RBFOX1: variants seen among roughly 807,000 people sequenced by gnomAD.
RBFOX1 encodes RNA binding protein fox-1 homolog 1.
A neutral mutation model predicts 57.7 loss-of-function variants in RBFOX1; 8 were observed. That is an observed-to-expected ratio of 0.14 (90% CI 0.08 to 0.25). The LOEUF (loss-of-function observed/expected upper bound fraction) is 0.25, where lower values mean the gene tolerates loss of function less well. Among genes scored for constraint, RBFOX1 ranks in the 10% least tolerant of loss-of-function variants. The pLI is 1.00. For synonymous variants in RBFOX1, 326 were observed against 222.4 expected (o/e 1.47, Z -4.15); for missense variants, 611 against 548.5 (o/e 1.11, Z -1.14).
At chr16:6,878,753 T>A (rs1465020710) in intron 3 of RBFOX1, among the ~76,000 whole-genome samples, 2 of 152,140 alleles carry the variant, frequency 1.3e-5, no homozygotes, top group Admixed American at 6.5e-5. Flanking sequence ...CATGAGAGTT[T>A]AAGGACCCTG....
chr16:7,709,396 T>C (rs2083525591), intron 15 of RBFOX1: 1 of 1,258,452 alleles, frequency 7.9e-7, no homozygotes, highest in Non-Finnish European at 1.1e-6. Context: ...GAATAATTAG[T>C]CATTTTGATA....
In RBFOX1 at chr16:6,019,453, C is replaced by G; in HGVS notation, c.-666C>G. The stretch of plus-strand genomic sequence containing the variant: ...CAGGGGCCGCGTCGGGTGGGGAAAC[C>G]CGAACTCGCGGAGGGGAATCCCTCC... On this transcript the variant is annotated 5_prime_UTR_variant, in exon 1 of 16. Transcript: ENST00000550418. The surrounding 1 kb of genome is among the most constrained non-coding windows in gnomAD (Gnocchi z 4.2). The G allele has an allele frequency of 1.0e-6, 1 of 991,622 alleles. No individual in the cohort carries two copies. Among genetic ancestry groups the G allele is most frequent in the Non-Finnish European group, 1.2e-6 (1 of 834,368 alleles). 61.4% of individuals were successfully genotyped at this position (991,622 alleles called of 1,614,324 possible).
In RBFOX1 at chr16:6,087,678, G is replaced by A. The variant is rs923057403; in HGVS notation, c.-127+67686G>A. ...CTTACTTTTTTTTTTTTTTTGAGAT[G>A]GAGTCTTGCTCTTTCACCAGGCTGG... On this transcript the variant is annotated intron_variant, in intron 1 of 15. Transcript: ENST00000550418. 5.5e-5 allele frequency among the ~76,000 whole-genome samples: 8 copies of A among 144,282 alleles called. No individual in the cohort carries two copies. In the South Asian group the frequency reaches 1.3e-3, roughly 24 times the overall value. The allele number at this position is 144,282 out of a possible 152,430, so 94.7% of individuals were successfully genotyped here. A position where few individuals can be genotyped will look rare whatever the true frequency, so the allele number is the denominator to read the frequency against.
intron 4 of RBFOX1, among the ~76,000 whole-genome samples, chr16:7,133,296 C>T (rs2071026691): frequency 6.6e-6 from 1 of 152,108 alleles, no homozygotes; most frequent in African/African-American, 2.4e-5. Context: ...ATGGAGAGTA[C>T]ACTTGAAAAG....
At chr16:6,428,534 T>A (rs980769675) in intron 2 of RBFOX1, among the ~76,000 whole-genome samples, 10 of 152,140 alleles carry the variant, frequency 6.6e-5, no homozygotes, top group Non-Finnish European at 7.4e-5. Flanking sequence ...GATTTTCTCA[T>A]CTGTAAAATG....
intron 2 of RBFOX1, among the ~76,000 whole-genome samples, chr16:6,467,411 A>C (rs909125132): frequency 1.3e-5 from 2 of 152,116 alleles, no homozygotes; most frequent in Admixed American, 1.3e-4. Context: ...ATAATTATTT[A>C]TGTTACTGTT....
chr16:5,380,711 C>T (rs969621903), intron 1 of RBFOX1, among the ~76,000 whole-genome samples: 10 of 152,152 alleles, frequency 6.6e-5, no homozygotes, highest in African/African-American at 2.2e-4. Flanking sequence ...AGTAAGTTGT[C>T]CAAAGACACA....
chr16:6,645,450 G>T (rs79824979), intron 2 of RBFOX1, among the ~76,000 whole-genome samples: 11 of 152,030 alleles, frequency 7.2e-5, no homozygotes, highest in African/African-American at 2.4e-4. Flanking sequence ...TTCAGAGCTG[G>T]GAATGCTGCT....
intron 3 of RBFOX1, among the ~76,000 whole-genome samples, chr16:6,753,122 G>A (rs1360849335): frequency 3.3e-5 from 5 of 152,126 alleles, no homozygotes; most frequent in Non-Finnish European, 7.3e-5. Flanking sequence ...CATGTATACT[G>A]AAACTTGTAG....
chr16:7,354,936 C>T (rs2097188931), intron 4 of RBFOX1, among the ~76,000 whole-genome samples: 1 of 152,166 alleles, frequency 6.6e-6, no homozygotes. Context: ...CTTTGCTCTG[C>T]TTTCCCTCAT....
intron 2 of RBFOX1, among the ~76,000 whole-genome samples, chr16:6,331,866 G>C (rs1255494991): frequency 6.6e-6 from 1 of 151,926 alleles, no homozygotes; most frequent in Non-Finnish European, 1.5e-5. Context: ...GGTCTTGCTG[G>C]TTCCTGAGTT....
At chr16:6,812,481 C>A (rs776941086) in intron 3 of RBFOX1, among the ~76,000 whole-genome samples, 1 of 152,088 alleles carries the variant, frequency 6.6e-6, no homozygotes, top group Non-Finnish European at 1.5e-5. Flanking sequence ...TCAAGTGATT[C>A]TCTTGCCATA....
intron 12 of RBFOX1, among the ~76,000 whole-genome samples, chr16:7,658,089 A>G (rs1416462879): frequency 6.6e-6 from 1 of 152,170 alleles, no homozygotes; most frequent in South Asian, 2.1e-4. Flanking sequence ...AATCCATGTA[A>G]GGTGACAACT....
At chr16:6,764,643 A>G (rs2154201377) in intron 3 of RBFOX1, among the ~76,000 whole-genome samples, 1 of 152,328 alleles carries the variant, frequency 6.6e-6, no homozygotes, top group East Asian at 1.9e-4. Flanking sequence ...AATTATTAAG[A>G]GTAAATGCAT....
chr16:7,499,273 C>T (rs377085861), intron 4 of RBFOX1, among the ~76,000 whole-genome samples: 4 of 152,166 alleles, frequency 2.6e-5, no homozygotes, highest in African/African-American at 4.8e-5. Flanking sequence ...AGAAGCATCA[C>T]CCATTCATCT....
chr16:7,402,836 G>T (rs962995615), intron 4 of RBFOX1, among the ~76,000 whole-genome samples: 1 of 152,234 alleles, frequency 6.6e-6, no homozygotes, highest in Non-Finnish European at 1.5e-5. Context: ...ATTTATCTGA[G>T]GGCACCTGTA....
intron 4 of RBFOX1, among the ~76,000 whole-genome samples, chr16:7,157,865 T>G (rs1001879375): frequency 6.6e-6 from 1 of 152,206 alleles, no homozygotes; most frequent in African/African-American, 2.4e-5. Context: ...AGGACAAATA[T>G]ATTTCAGCTT....
At chr16:7,521,288 A>G (rs2077463985) in intron 5 of RBFOX1, among the ~76,000 whole-genome samples, 1 of 152,190 alleles carries the variant, frequency 6.6e-6, no homozygotes, top group African/African-American at 2.4e-5. Context: ...CAAAAGATGA[A>G]CCGGGAGGAA....
At chr16:5,922,182 A>C (rs1237518678) in intron 4 of RBFOX1, among the ~76,000 whole-genome samples, 1 of 151,716 alleles carries the variant, frequency 6.6e-6, no homozygotes, top group Non-Finnish European at 1.5e-5. Context: ...AAACCCCCAA[A>C]CCCTAGCTCT....
Sources: gnomAD v4.1 joint callset for allele counts (sites outside exome capture counted in the v4.1 genomes callset) on GRCh38, gnomAD v4.1.1 for gene constraint, Gnocchi (gnomAD v3.1) non-coding constraint, MANE v1.5 for transcripts, NCBI Gene and HGNC (gene_info 2026-07-23, HGNC 2026-07-21) for gene names.